Variants in SPAG16 observed in about 807,000 individuals in gnomAD.
SPAG16 encodes the protein sperm associated antigen 16, also known as sperm-associated antigen 16 protein.
A neutral mutation model predicts 80.4 loss-of-function variants in SPAG16; 86 were observed. The observed-to-expected ratio is 1.07, with a 90% CI of 0.90 to 1.28. The LOEUF (loss-of-function observed/expected upper bound fraction) is 1.28. SPAG16 is among the 50% of genes most tolerant of loss of function. The pLI, the probability that SPAG16 is intolerant of heterozygous loss-of-function variation, is 0.00. For missense variants in SPAG16, 870 were observed against 765.3 expected, an observed-to-expected ratio of 1.14 and a Z score of -1.61; for synonymous variants, 294 against 265.9, an observed-to-expected ratio of 1.11 and a Z score of -1.03.
intron 12 of SPAG16, among the ~76,000 whole-genome samples, chr2:213,994,936 A>G (rs192842682): frequency 6.6e-6 from 1 of 152,274 alleles, no homozygotes; most frequent in East Asian, 1.9e-4. Context: ...GTGTTCTAAG[A>G]TCCCTGCAAC....
At chr2:213,871,009 T>C (rs181653758) in intron 11 of SPAG16, among the ~76,000 whole-genome samples, 1 of 152,208 alleles carries the variant, frequency 6.6e-6, no homozygotes, top group East Asian at 1.9e-4. Flanking sequence ...CTTTCTTTCA[T>C]GCTCCCAGAA....
chr2:213,565,775 C>T (rs1191815545), intron 10 of SPAG16, among the ~76,000 whole-genome samples: 2 of 152,156 alleles, frequency 1.3e-5, no homozygotes, highest in African/African-American at 4.8e-5. Flanking sequence ...GATGGAAGAC[C>T]AGTTTTGAAT....
intron 10 of SPAG16, among the ~76,000 whole-genome samples, chr2:213,635,635 C>T (rs868585744): frequency 1.1e-4 from 16 of 151,690 alleles, no homozygotes; most frequent in South Asian, 2.1e-4. Context: ...TATTGCATTG[C>T]GGTTTTGATT....
In SPAG16 at chr2:213,634,552, G is replaced by A. The variant is rs112662216; in HGVS notation, c.1070+144462G>A. Among the ~76,000 whole-genome samples the A allele has an allele frequency of 1.5e-3, 222 of 152,122 alleles. 1 individual carries two copies. The highest frequency in any genetic ancestry group is 4.3e-3 in the African/African-American group (178 of 41,486). Reference sequence around the variant, plus strand: ...TCATGTGATTATTTATTGCTTGTTGGTGTCCCTTTCTTACTGCTTGAAGCA... The same window carrying A: ...TCATGTGATTATTTATTGCTTGTTGATGTCCCTTTCTTACTGCTTGAAGCA... On this transcript the variant is annotated intron_variant, in intron 10 of 15. Coordinates refer to ENST00000331683, the MANE Select transcript of SPAG16 (RefSeq NM_024532.5).
intron 9 of SPAG16, among the ~76,000 whole-genome samples, chr2:213,387,982 CTAGCAAAATCTGTCTGATATAA>C (rs1288085751): frequency 1.3e-5 from 2 of 152,098 alleles, no homozygotes; most frequent in Admixed American, 6.5e-5. Flanking sequence ...AACAATGGCA[CTAGCAAAATCTGTCTGATATAA>C]TGATTTGGAA....
intron 15 of SPAG16, among the ~76,000 whole-genome samples, chr2:214,200,096 C>T (rs190838840): frequency 6.6e-6 from 1 of 152,182 alleles, no homozygotes; most frequent in Admixed American, 6.5e-5. Context: ...CTTTATTTCT[C>T]TCTTCTCTTG....
intron 15 of SPAG16, among the ~76,000 whole-genome samples, chr2:214,259,814 A>G (rs1691005215): frequency 6.6e-6 from 1 of 152,136 alleles, no homozygotes; most frequent in Non-Finnish European, 1.5e-5. Context: ...TTTGTCTTCT[A>G]AGTGAACTCC....
intron 15 of SPAG16, among the ~76,000 whole-genome samples, chr2:214,163,480 T>G (rs1027523106): frequency 1.2e-4 from 18 of 151,628 alleles, no homozygotes; most frequent in African/African-American, 4.4e-4. Flanking sequence ...GTCAGTATTC[T>G]CCAGATAAAC....
chr2:213,873,827 C>T (rs1052600545), intron 11 of SPAG16, among the ~76,000 whole-genome samples: 1 of 151,932 alleles, frequency 6.6e-6, no homozygotes, highest in Non-Finnish European at 1.5e-5. Context: ...ATAAATGCAT[C>T]ATTAGGCAAT....
chr2:213,557,499 G>A (rs577958435), intron 10 of SPAG16, among the ~76,000 whole-genome samples: 5 of 151,894 alleles, frequency 3.3e-5, no homozygotes, highest in Non-Finnish European at 5.9e-5. Flanking sequence ...TTCTGAAAAC[G>A]TTTTAAATTG....
At chr2:213,958,958 C>G (rs2044282590) in intron 12 of SPAG16, among the ~76,000 whole-genome samples, 1 of 152,124 alleles carries the variant, frequency 6.6e-6, no homozygotes, top group South Asian at 2.1e-4. Context: ...TAACAAACCA[C>G]CTTAATGTTT....
chr2:213,466,257 C>A (rs912464838), intron 9 of SPAG16, among the ~76,000 whole-genome samples: 2 of 152,134 alleles, frequency 1.3e-5, no homozygotes, highest in Non-Finnish European at 2.9e-5. Flanking sequence ...ATACATCTAT[C>A]CTATTAGTTC....
At chr2:214,279,009 TTCTA>T (rs1203242328) in intron 15 of SPAG16, among the ~76,000 whole-genome samples, 4 of 152,210 alleles carry the variant, frequency 2.6e-5, no homozygotes, top group African/African-American at 9.6e-5. Flanking sequence ...TGGCTTCTGC[TTCTA>T]TCTAAGTTAG....
At chr2:213,828,626 C>T (rs958507992) in intron 10 of SPAG16, among the ~76,000 whole-genome samples, 2 of 152,064 alleles carry the variant, frequency 1.3e-5, no homozygotes, top group Non-Finnish European at 2.9e-5. Context: ...TATTTATTAT[C>T]GTTTTCACAG....
intron 10 of SPAG16, among the ~76,000 whole-genome samples, chr2:213,508,774 G>C (rs2075088259): frequency 6.6e-6 from 1 of 152,104 alleles, no homozygotes; most frequent in Non-Finnish European, 1.5e-5. Flanking sequence ...TTGTGGGGTT[G>C]GGGGAGTGGG....
intron 10 of SPAG16, among the ~76,000 whole-genome samples, chr2:213,591,635 T>C (rs2124924203): frequency 6.6e-6 from 1 of 152,114 alleles, no homozygotes; most frequent in East Asian, 1.9e-4. Flanking sequence ...TGCAATGAGG[T>C]TTTGTGGTGG....
rs543606197 is a variant in SPAG16, at chr2:214,055,952, A to G, written c.1527+41875A>G. On this transcript the variant is annotated intron_variant, in intron 13 of 15. Coordinates refer to ENST00000331683, the MANE Select transcript of SPAG16 (RefSeq NM_024532.5). ...AATTTTTACCATGAAGTGAAGCACT[A>G]TTGCTTTGTTTAGTTGGAGTGGATT... 2.0e-3 allele frequency among the ~76,000 whole-genome samples: 312 copies of G among 152,262 alleles called. 2 individuals are homozygous for G. Among genetic ancestry groups the G allele is most frequent in the African/African-American group, 7.2e-3 (300 of 41,558 alleles).
chr2:214,046,279 A>G (rs1292101026), intron 13 of SPAG16, among the ~76,000 whole-genome samples: 2 of 152,202 alleles, frequency 1.3e-5, no homozygotes, highest in Non-Finnish European at 2.9e-5. Context: ...TTTAAAAAAA[A>G]GAAATAATCC....
chr2:213,794,203 A>G lies in SPAG16; in HGVS notation c.1071-68282A>G, dbSNP rs2070879446. Among the ~76,000 whole-genome samples the G allele has an allele frequency of 2.6e-5, 4 of 152,296 alleles. No individual in the cohort carries two copies. The South Asian group carries it at 8.3e-4, about 32-fold the overall frequency. ...AGTAGTTCTCCTGTTGTATTCTAAA[A>G]AGACTCGCTGAATTTGAAATAAAAA... On this transcript the variant is annotated intron_variant, in intron 10 of 15. Transcript: ENST00000331683.
Sources: gnomAD v4.1 joint callset for allele counts (sites outside exome capture counted in the v4.1 genomes callset) on GRCh38, gnomAD v4.1.1 for gene constraint, MANE v1.5 for transcripts, NCBI Gene and HGNC (gene_info 2026-07-23, HGNC 2026-07-21) for gene names.